FABP6: variants seen among roughly 807,000 people sequenced by gnomAD.
The protein encoded by FABP6 is fatty acid binding protein 6.
A neutral mutation model predicts 14.9 loss-of-function variants in FABP6; 13 were observed. The ratio of observed to expected loss-of-function variants is 0.87; its 90% CI spans 0.57 to 1.39. The LOEUF is 1.39. Ranked by LOEUF, FABP6 falls within the 40% of genes most tolerant of loss-of-function variation. The pLI, the probability that FABP6 is intolerant of heterozygous loss-of-function variation, is 0.00. For synonymous variants in FABP6, 75 were observed against 63.6 expected (o/e 1.18, Z -0.85); for missense variants, 161 against 167.2 (o/e 0.96, Z 0.20).
chr5:160,206,213 T>G (rs539099018), intron 2 of FABP6, among the ~76,000 whole-genome samples: 22 of 152,234 alleles, frequency 1.4e-4, no homozygotes, highest in African/African-American at 5.1e-4. Context: ...GGGCAGATCA[T>G]GAGGTCAGGA....
At chr5:160,237,372 C>G (rs975691566) in intron 3 of FABP6, among the ~76,000 whole-genome samples, 2 of 152,112 alleles carry the variant, frequency 1.3e-5, no homozygotes, top group Non-Finnish European at 1.5e-5. Context: ...CAGGAACACA[C>G]ACATGTATGC....
chr5:160,210,898 G>A (rs1759873922), intron 2 of FABP6, among the ~76,000 whole-genome samples: 1 of 152,178 alleles, frequency 6.6e-6, no homozygotes, highest in South Asian at 2.1e-4. Flanking sequence ...GCTGCCACAG[G>A]AATTAATCAC....
At chr5:160,222,598 T>C (rs1283278435) in intron 3 of FABP6, among the ~76,000 whole-genome samples, 2 of 152,210 alleles carry the variant, frequency 1.3e-5, no homozygotes, top group Non-Finnish European at 2.9e-5. Context: ...CCTCCCAAAG[T>C]GTTGGGATTA....
intron 1 of FABP6, among the ~76,000 whole-genome samples, chr5:160,231,687 T>C (rs1760385830): frequency 6.6e-6 from 1 of 152,120 alleles, no homozygotes; most frequent in African/African-American, 2.4e-5. Context: ...TGAACCACCA[T>C]ACCTGGTCTT....
At chr5:160,200,704 G>A (rs1329199399) in intron 2 of FABP6, among the ~76,000 whole-genome samples, 1 of 152,246 alleles carries the variant, frequency 6.6e-6, no homozygotes, top group Non-Finnish European at 1.5e-5. Context: ...GTGAGCCACC[G>A]CACCCGGCAA....
intron 1 of FABP6, chr5:160,197,195 A>AG (rs1271572861): frequency 2.6e-5 from 4 of 152,308 alleles, no homozygotes; most frequent in African/African-American, 9.6e-5. Flanking sequence ...AGGTGGGAAG[A>AG]GGGGTGGGCC....
intron 1 of FABP6, 68 bp from the exon 2 acceptor site, chr5:160,232,029 AG>A (rs2113141866): frequency 1.3e-6 from 2 of 1,559,740 alleles, no homozygotes; most frequent in African/African-American, 2.7e-5. Context: ...TGGGCAGGAA[AG>A]CTCTTTTCCC....
At chr5:160,197,312 A>G (rs1307553061) in intron 1 of FABP6, 2 of 152,308 alleles carry the variant, frequency 1.3e-5, no homozygotes, top group African/African-American at 2.4e-5. Flanking sequence ...CACTTGAGAC[A>G]GCGTGTCCCA....
At chr5:160,227,721 G>A (rs1760279670), upstream of FABP6, among the ~76,000 whole-genome samples, 1 of 151,706 alleles carries the variant, frequency 6.6e-6, no homozygotes, top group Admixed American at 6.6e-5. Flanking sequence ...CCTAGAAGGA[G>A]AGGTACCAAA....
At chr5:160,209,955 G>T (rs143790899) in intron 2 of FABP6, among the ~76,000 whole-genome samples, 159 of 152,304 alleles carry the variant, frequency 1.0e-3, no homozygotes, top group Non-Finnish European at 1.9e-3. Flanking sequence ...ATTTCAGGAA[G>T]AAGTGGGAAA....
In FABP6 at chr5:160,200,553, C is replaced by T. The variant is rs188105892; in HGVS notation, c.51+1396C>T. On this transcript the variant is annotated intron_variant, in intron 2 of 6. Coordinates refer to the FABP6 transcript ENST00000393980. Reference sequence around the variant, plus strand: ...TCAGCCTCCTGAGTAGTTGGGATTACAGGCGCCCACCATCATGCCTGGCTA... The same window carrying T: ...TCAGCCTCCTGAGTAGTTGGGATTATAGGCGCCCACCATCATGCCTGGCTA... Among the ~76,000 whole-genome samples, 79 of 152,134 alleles carry T rather than the reference C, an allele frequency of 5.2e-4. 1 individual carries two copies. The highest frequency in any genetic ancestry group is 1.7e-3 in the African/African-American group (71 of 41,496).
At chr5:160,226,533 C>CAAA (rs71956446), upstream of FABP6, among the ~76,000 whole-genome samples, 84 of 136,896 alleles carry the variant, frequency 6.1e-4, no homozygotes, top group East Asian at 0.012. Flanking sequence ...GAGACTGTCT[C>CAAA]AAAAAAAAAA....
At chr5:160,189,559 C>T (rs983724950) in intron 1 of FABP6, among the ~76,000 whole-genome samples, 48 of 151,958 alleles carry the variant, frequency 3.2e-4, no homozygotes, top group African/African-American at 1.0e-3. Context: ...TTGTATTCTT[C>T]TTTTTATTTT....
At chr5:160,205,062 C>T (rs1034505532) in intron 2 of FABP6, among the ~76,000 whole-genome samples, 33 of 152,192 alleles carry the variant, frequency 2.2e-4, no homozygotes, top group Admixed American at 6.5e-4. Flanking sequence ...CTGAAAGTTT[C>T]TCAGAGAATT....
Position 160,229,519 on chromosome 5 carries a change from C to T in FABP6, c.-39C>T, listed in dbSNP as rs551839404. ...AGACCCCTCAGCACCACCCATTCTC[C>T]TCATCCCTCTGCTCTCTGGCCTCCA... On this transcript the variant is annotated 5_prime_UTR_variant, in exon 1 of 4. Transcript: ENST00000402432. The T allele has an allele frequency of 1.1e-5, 17 of 1,613,658 alleles. No homozygotes were observed. In the Admixed American group the frequency reaches 1.8e-4, roughly 17 times the overall value.
At chr5:160,201,106 T>A (rs888918) in intron 2 of FABP6, among the ~76,000 whole-genome samples, 140,435 of 152,200 alleles carry the variant, frequency 0.92, 64,989 homozygotes, top group African/African-American at 0.98. Context: ...CTGAAATCCC[T>A]ACAGTTTGGT....
At chr5:160,200,402 G>A (rs1438482521) in intron 2 of FABP6, among the ~76,000 whole-genome samples, 1 of 135,796 alleles carries the variant, frequency 7.4e-6, no homozygotes, top group African/African-American at 2.8e-5. Context: ...CGCCCGTTGA[G>A]TCCTTTTTTT....
upstream of FABP6, chr5:160,228,503 G>C (rs1269329900): frequency 4.4e-6 from 2 of 456,334 alleles, no homozygotes; most frequent in South Asian, 3.1e-5. Flanking sequence ...GTAGGCCGGA[G>C]TGATCACGGA....
At chr5:160,224,481 G>A (rs1760200266) in intron 3 of FABP6, among the ~76,000 whole-genome samples, 1 of 152,130 alleles carries the variant, frequency 6.6e-6, no homozygotes. Context: ...GTGTTCAAGT[G>A]AAAGGAGGAG....
Sources: allele counts gnomAD v4.1 joint callset (sites outside exome capture counted in the v4.1 genomes callset), GRCh38; gene constraint gnomAD v4.1.1; transcripts MANE v1.5; gene names NCBI Gene and HGNC (gene_info 2026-07-23, HGNC 2026-07-21).